CLIP1: variants seen among roughly 807,000 people sequenced by gnomAD.
CLIP1 encodes CAP-Gly domain-containing linker protein 1.
Under a neutral mutation model 161.6 loss-of-function variants are expected in CLIP1, and 66 were observed. That is an observed-to-expected ratio of 0.41 (90% CI 0.33 to 0.50). The LOEUF (loss-of-function observed/expected upper bound fraction) is 0.50. Among genes scored for constraint, CLIP1 ranks in the 20% least tolerant of loss-of-function variants. CLIP1 has a pLI of 0.27. For synonymous variants in CLIP1, 598 were observed against 626.2 expected (o/e 0.96, Z 0.67); for missense variants, 1,376 against 1,702.0 (o/e 0.81, Z 3.37).
At chr12:122,417,774 G>A (rs1956806160) in intron 1 of CLIP1, among the ~76,000 whole-genome samples, 1 of 151,980 alleles carries the variant, frequency 6.6e-6, no homozygotes, top group Non-Finnish European at 1.5e-5. Context: ...GGCCTCCCAA[G>A]GTGCTGGGAT....
At chr12:122,361,785 T>G (rs1953831349) in intron 4 of CLIP1, among the ~76,000 whole-genome samples, 1 of 152,110 alleles carries the variant, frequency 6.6e-6, no homozygotes, top group Admixed American at 6.5e-5. Context: ...AACCCGAGAT[T>G]GCACCACTGT....
At chr12:122,329,585 G>A (rs544527019) in intron 15 of CLIP1, among the ~76,000 whole-genome samples, 28 of 151,064 alleles carry the variant, frequency 1.9e-4, no homozygotes, top group East Asian at 9.8e-4. Flanking sequence ...AGCCGAGATC[G>A]CGCCACTGCA....
chr12:122,354,308 T>C (rs986174743), intron 7 of CLIP1, 145 bp downstream of exon 7: 4 of 517,534 alleles, frequency 7.7e-6, no homozygotes, highest in Middle Eastern at 5.7e-4. Context: ...GGCAGGAGAA[T>C]TGCTTGAACC....
At chr12:122,304,531 T>A (rs1463879757) in intron 20 of CLIP1, among the ~76,000 whole-genome samples, 1 of 152,180 alleles carries the variant, frequency 6.6e-6, no homozygotes, top group African/African-American at 2.4e-5. Context: ...CGGCTAATTT[T>A]TGTATTTGTT....
At chr12:122,362,581 C>T (rs943334186) in intron 4 of CLIP1, among the ~76,000 whole-genome samples, 3 of 117,924 alleles carry the variant, frequency 2.5e-5, no homozygotes, top group South Asian at 2.9e-4. Context: ...TCAGAGGTTG[C>T]GGTGAGCCAA....
intron 1 of CLIP1, among the ~76,000 whole-genome samples, chr12:122,418,636 G>A (rs1189452594): frequency 1.3e-5 from 2 of 152,122 alleles, no homozygotes; most frequent in East Asian, 1.9e-4. Context: ...GCATGCACCT[G>A]TAGTCCTAGC....
At position 122,352,575 on chromosome 12, in the gene CLIP1, G is replaced by A. The variant is rs1450022444; in HGVS notation, c.1368+151C>T. 2.4e-5 allele frequency: 16 copies of A among 668,386 alleles called. 1 individual carries two copies. The highest frequency in any genetic ancestry group is 3.3e-4 in the Middle Eastern group (1 of 3,044). 41.4% of individuals were successfully genotyped at this position (668,386 alleles called of 1,614,324 possible). ...CCACACACTCACAGGCTCAAGTACC[G>A]GCACCGTCACCACAAAGCCACCCCC... On this transcript the variant is annotated intron_variant, in intron 8 of 25. Coordinates refer to ENST00000620786, the MANE Select transcript of CLIP1 (RefSeq NM_001247997.2).
At chr12:122,294,344 C>A (rs199659916) in intron 20 of CLIP1, among the ~76,000 whole-genome samples, 2,060 of 108,980 alleles carry the variant, frequency 0.019, 34 homozygotes, top group African/African-American at 0.049. Context: ...AAAAAAAAAA[C>A]AAAAAAAAAA....
chr12:122,368,015 G>A (rs1402664481), intron 3 of CLIP1, among the ~76,000 whole-genome samples: 1 of 152,014 alleles, frequency 6.6e-6, no homozygotes, highest in Non-Finnish European at 1.5e-5. Flanking sequence ...GATTCCCATG[G>A]CAAACACAAA....
intron 3 of CLIP1, among the ~76,000 whole-genome samples, chr12:122,366,288 C>T (rs367654350): frequency 1.4e-5 from 2 of 143,366 alleles, no homozygotes; most frequent in African/African-American, 5.3e-5. Context: ...GCCTAGGCGA[C>T]AGGGAGAGAC....
At chr12:122,408,104 C>T (rs962610576) in intron 1 of CLIP1, among the ~76,000 whole-genome samples, 3 of 151,494 alleles carry the variant, frequency 2.0e-5, no homozygotes, top group Non-Finnish European at 4.4e-5. Flanking sequence ...GGCATGGTGG[C>T]GGGCACCTGT....
intron 1 of CLIP1, among the ~76,000 whole-genome samples, chr12:122,391,811 G>A (rs1206164384): frequency 6.6e-6 from 1 of 152,102 alleles, no homozygotes; most frequent in Non-Finnish European, 1.5e-5. Context: ...AGCACCTGGG[G>A]GATGTTTCAA....
chr12:122,312,517 A>G (rs1012406668), intron 19 of CLIP1, among the ~76,000 whole-genome samples: 1 of 152,172 alleles, frequency 6.6e-6, no homozygotes, highest in Non-Finnish European at 1.5e-5. Flanking sequence ...TAATCCCAGC[A>G]CTTTGGGAGG....
In CLIP1 at chr12:122,355,341, G is replaced by A. The variant is rs769616566; in HGVS notation, c.1006-29C>T. 1.3e-6 allele frequency: 2 copies of A among 1,595,680 alleles called. No homozygotes were observed. The highest frequency in any genetic ancestry group is 1.1e-5 in the South Asian group (1 of 90,426). On this transcript the variant is annotated intron_variant, in intron 5 of 25. Transcript: ENST00000620786. The surrounding 1 kb of genome is among the most constrained non-coding windows in gnomAD (Gnocchi z 4.1). ...TAAAGGAAAGTTAGAGAAATGAAGG[G>A]CGATGATGCTGTCAGAAAAGCGAGG...
rs1952478987 is a variant in CLIP1 at position 122,341,158 on chromosome 12, G to C, written c.2046C>G (p.Asp682Glu). 1 of 1,614,044 alleles carries C rather than the reference G, an allele frequency of 6.2e-7. No individual in the cohort carries two copies. Among genetic ancestry groups the C allele is most frequent in the African/African-American group, 1.3e-5 (1 of 74,922 alleles). ...CTTTAGCATGGGCAGCCCGTTCAGA[G>C]TCTTGTTGATTCTGCAAATTTTCTA... is the stretch of plus-strand genomic sequence containing the variant. ...HEIENLQNQQ[D>E]SERAAHAKEM... is the part of the protein sequence containing the mutation. The change falls in exon 11 of 26, where the codon GAC (aspartate) becomes GAG (glutamate). Residue 682 changes from aspartate (D) to glutamate (E), a missense_variant. Around this residue, in one of 6 missense-constraint regions of CLIP1, gnomAD observed 948 missense variants for 1,134.8 expected, o/e 0.84. Coordinates refer to ENST00000620786, the MANE Select transcript of CLIP1 (RefSeq NM_001247997.2).
At chr12:122,382,535 G>C (rs1322473031) in intron 1 of CLIP1, among the ~76,000 whole-genome samples, 1 of 151,296 alleles carries the variant, frequency 6.6e-6, no homozygotes, top group African/African-American at 2.4e-5. Context: ...AGAACACATA[G>C]AAAGAAGGCC....
rs1179425791 is a variant in CLIP1 at position 122,320,273 on chromosome 12, A to AG, written c.3250-926_3250-925insC. The stretch of plus-strand genomic sequence containing the variant: ...ACAGCGAGACTCCGTCTCAAAAAAA[A>AG]AAAAAAAAGTTAGATGTAAAAATAA... On this transcript the variant is annotated intron_variant, in intron 17 of 25. Transcript: ENST00000620786. Among the ~76,000 whole-genome samples, 3 of 151,982 alleles carry AG rather than the reference A, an allele frequency of 2.0e-5. No individual in the cohort carries two copies. In the East Asian group the frequency reaches 5.9e-4, roughly 30 times the overall value.
intron 3 of CLIP1, among the ~76,000 whole-genome samples, chr12:122,365,831 A>C (rs1471657226): frequency 1.3e-5 from 2 of 151,996 alleles, no homozygotes; most frequent in Non-Finnish European, 2.9e-5. Flanking sequence ...AACATAAGGA[A>C]GACCCTGTCT....
Position 122,358,457 on chromosome 12 carries a change from G to GAA in CLIP1, c.1005+2500_1005+2501dup, listed in dbSNP as rs60694108. Among the ~76,000 whole-genome samples the GAA allele has an allele frequency of 2.0e-3, 293 of 144,412 alleles. 1 individual carries two copies. The highest frequency in any genetic ancestry group is 5.1e-3 in the African/African-American group (200 of 38,906). The allele number at this position is 144,412 out of a possible 152,430, so 94.7% of individuals were successfully genotyped here. ...CAATTAAAAAAAAAAAAAGAAAAAA[G>GAA]AAAAAAAAAACCACTTGTTGAAATA... On this transcript the variant is annotated intron_variant, in intron 5 of 25. Transcript: ENST00000620786.
Sources: allele counts gnomAD v4.1 joint callset (sites outside exome capture counted in the v4.1 genomes callset), GRCh38; gene constraint gnomAD v4.1.1; regional missense constraint gnomAD v4.1.1; non-coding constraint Gnocchi (gnomAD v3.1); transcripts MANE v1.5; gene names NCBI Gene and HGNC (gene_info 2026-07-23, HGNC 2026-07-21).